Variants in COL4A2 observed in about 807,000 individuals in gnomAD.
COL4A2 encodes the protein collagen alpha-2(IV) chain.
COL4A2 carries 99 observed loss-of-function variants against 200.2 expected under a neutral mutation model. The ratio of observed to expected loss-of-function variants is 0.49; its 90% CI spans 0.42 to 0.58. The LOEUF (loss-of-function observed/expected upper bound fraction) is 0.58, where lower values mean the gene tolerates loss of function less well. Ranked by LOEUF, COL4A2 falls within the 20% of genes least tolerant of loss-of-function variation. The pLI, the probability that COL4A2 is intolerant of heterozygous loss-of-function variation, is 0.00. For missense variants in COL4A2, 1,950 were observed against 2,314.1 expected (o/e 0.84, Z 3.23); for synonymous variants, 897 against 900.6 (o/e 1.00, Z 0.07).
At chr13:110,435,312 T>C (rs79517152) in intron 12 of COL4A2, among the ~76,000 whole-genome samples, 6,006 of 151,888 alleles carry the variant, frequency 0.04, 170 homozygotes, top group East Asian at 0.14. Context: ...AACAAAATAA[T>C]AAAAACAAGA....
chr13:110,436,973 T>TGACCTG (rs2139465281), intron 13 of COL4A2, among the ~76,000 whole-genome samples: 1 of 152,340 alleles, frequency 6.6e-6, no homozygotes, highest in African/African-American at 2.4e-5. Flanking sequence ...ATGGCGACAC[T>TGACCTG]GACCTCCTGG....
chr13:110,399,071 T>G (rs1251661390), intron 4 of COL4A2, among the ~76,000 whole-genome samples: 1 of 152,166 alleles, frequency 6.6e-6, no homozygotes, highest in African/African-American at 2.4e-5. Context: ...CTGTGCCCAG[T>G]ATTCTGGTAA....
chr13:110,417,030 G>C (rs1281447347), intron 4 of COL4A2, among the ~76,000 whole-genome samples: 1 of 151,752 alleles, frequency 6.6e-6, no homozygotes, highest in South Asian at 2.1e-4. Context: ...TGCCAGGCTG[G>C]AGTGCAGTGG....
At chr13:110,435,215 C>T (rs918895219) in intron 12 of COL4A2, among the ~76,000 whole-genome samples, 3 of 152,020 alleles carry the variant, frequency 2.0e-5, no homozygotes, top group African/African-American at 7.3e-5. Context: ...GGACAATTAG[C>T]AAGCAGTGGG....
At position 110,508,084 on chromosome 13, in the gene COL4A2, G is replaced by T; in HGVS notation, c.4744G>T (p.Glu1582Ter). 1 of 1,614,248 alleles carries T rather than the reference G, an allele frequency of 6.2e-7. No individual in the cohort carries two copies. The highest frequency in any genetic ancestry group is 1.1e-5 in the South Asian group (1 of 91,086). Residue 1582 changes from glutamate (E) to a stop codon, truncating the protein, a stop_gained, in exon 47 of 48, where the codon GAG becomes TAG. Transcript: ENST00000360467. LOFTEE classifies it high-confidence loss of function. The surrounding 1 kb of genome is among the most constrained non-coding windows in gnomAD (Gnocchi z 6.1). Reference protein sequence around the residue: ...PLPMMPVAEDEIKPYISRCSV... With the variant: ...PLPMMPVAED Reference sequence around the variant, plus strand: ...GCCCATGATGCCCGTGGCCGAGGACGAGATCAAGCCCTACATCAGCCGCTG... The same window carrying T: ...GCCCATGATGCCCGTGGCCGAGGACTAGATCAAGCCCTACATCAGCCGCTG...
Position 110,452,853 on chromosome 13 carries a change from C to T in COL4A2, c.1339+2399C>T, listed in dbSNP as rs1388605907. ...TCTCTGCTCACTGCAACCTCCACCT[C>T]GTGGGATCAAGCGATCTTCCCACCT... On this transcript the variant is annotated intron_variant, in intron 20 of 47. Coordinates refer to ENST00000360467, the MANE Select transcript of COL4A2 (RefSeq NM_001846.4). 3.9e-5 allele frequency among the ~76,000 whole-genome samples: 6 copies of T among 152,150 alleles called. No homozygotes were observed. In the South Asian group the frequency reaches 8.3e-4, roughly 21 times the overall value.
chr13:110,430,960 A>G (rs185135115), intron 10 of COL4A2: 2 of 474,764 alleles, frequency 4.2e-6, no homozygotes, highest in African/African-American at 3.9e-5. Context: ...TAAGGAGGAA[A>G]TGGAGGTCTG....
intron 37 of COL4A2, among the ~76,000 whole-genome samples, chr13:110,491,731 C>G (rs1250079631): frequency 1.3e-5 from 2 of 152,172 alleles, no homozygotes; most frequent in African/African-American, 2.4e-5. Flanking sequence ...CTGCTGCTTT[C>G]TGTGTTTACT....
chr13:110,467,599 AAG>A (rs1279041996), intron 27 of COL4A2, among the ~76,000 whole-genome samples: 6 of 152,226 alleles, frequency 3.9e-5, no homozygotes, highest in Middle Eastern at 3.2e-3. Flanking sequence ...CCATGTGAGA[AAG>A]AGTCTGGGTG....
chr13:110,473,378 G>A, intron 29 of COL4A2: 1 of 511,598 alleles, frequency 2.0e-6, no homozygotes, highest in East Asian at 3.4e-5. Context: ...AACTTTGACA[G>A]GTGTGGATTC....
intron 4 of COL4A2, among the ~76,000 whole-genome samples, chr13:110,389,152 C>T (rs1435397713): frequency 6.6e-6 from 1 of 152,178 alleles, no homozygotes; most frequent in African/African-American, 2.4e-5. Flanking sequence ...TTCAAGGAGA[C>T]CTAGCCCAGC....
At chr13:110,337,533 A>G (rs886158047) in intron 3 of COL4A2, among the ~76,000 whole-genome samples, 1 of 152,192 alleles carries the variant, frequency 6.6e-6, no homozygotes, top group Non-Finnish European at 1.5e-5. Context: ...CAGAGGGCGG[A>G]TGTACTGGTG....
intron 3 of COL4A2, among the ~76,000 whole-genome samples, chr13:110,338,608 G>A (rs1876316505): frequency 6.6e-6 from 1 of 152,232 alleles, no homozygotes; most frequent in South Asian, 2.1e-4. Context: ...CCCAGGGATG[G>A]TTTATCTGGA....
rs1354879409 is a variant in COL4A2, at chr13:110,508,322, G to T, written c.4881+101G>T. On this transcript the variant is annotated intron_variant, in intron 47 of 47. Coordinates refer to ENST00000360467, the MANE Select transcript of COL4A2 (RefSeq NM_001846.4). This position sits in a 1 kb window ranked among gnomAD's most constrained non-coding sequence, Gnocchi z 6.1. ...GAAGAATCAGACACGGCAGTCCAGG[G>T]TGTGCACTGCACAAGGGTAGTTGGC... 1.3e-6 allele frequency: 2 copies of T among 1,542,294 alleles called. No individual in the cohort carries two copies. Among genetic ancestry groups the T allele is most frequent in the East Asian group, 2.3e-5 (1 of 44,234 alleles).
At chr13:110,331,251 A>G (rs11616769) in intron 3 of COL4A2, among the ~76,000 whole-genome samples, 7,615 of 152,336 alleles carry the variant, frequency 0.05, 247 homozygotes, top group Non-Finnish European at 0.068. Context: ...TTATTTGAGA[A>G]TCATCCTAAA....
At position 110,498,866 on chromosome 13, in the gene COL4A2, C is replaced by T. The variant is rs368298142; in HGVS notation, c.3761-2802C>T. On this transcript the variant is annotated intron_variant, in intron 40 of 47. Coordinates refer to ENST00000360467, the MANE Select transcript of COL4A2 (RefSeq NM_001846.4). Reference sequence around the variant, plus strand: ...CCTCCTTGCATTCCATCCCAGGGACCTGGACGGTGTCCCCGGCTTCCAAGC... The same window carrying T: ...CCTCCTTGCATTCCATCCCAGGGACTTGGACGGTGTCCCCGGCTTCCAAGC... Among the ~76,000 whole-genome samples the T allele has an allele frequency of 2.6e-5, 4 of 152,344 alleles. No individual in the cohort carries two copies. The East Asian group carries it at 7.7e-4, about 29-fold the overall frequency.
At chr13:110,450,550 C>G (rs1333378130) in intron 20 of COL4A2, 96 bp downstream of exon 20, 1 of 1,436,722 alleles carries the variant, frequency 7.0e-7, no homozygotes, top group Non-Finnish European at 9.5e-7. Flanking sequence ...CTAAATGACT[C>G]TGGGAACGAA....
chr13:110,440,920 G>A (rs1881096924), intron 16 of COL4A2, among the ~76,000 whole-genome samples: 1 of 152,224 alleles, frequency 6.6e-6, no homozygotes, highest in Non-Finnish European at 1.5e-5. Context: ...GCTCTGCCCA[G>A]TGCCCCTTAG....
At position 110,308,093 on chromosome 13, in the gene COL4A2, C is replaced by T. The variant is rs774171520; in HGVS notation, c.69C>T (p.Thr23=). ...LRRWLLLGTV[T]VGFLAQSVLA... The stretch of plus-strand genomic sequence containing the variant: ...GGTGGCTGCTGCTGGGGACAGTGAC[C>T]GTGGGGTTCCTCGCCCAGAGCGTCT... Residue 23 remains threonine (T), a synonymous_variant, in exon 3 of 48, where the codon ACC becomes ACT. Coordinates refer to ENST00000360467, the MANE Select transcript of COL4A2 (RefSeq NM_001846.4). The T allele has an allele frequency of 3.7e-6, 6 of 1,613,714 alleles. No individual in the cohort carries two copies. Among genetic ancestry groups the T allele is most frequent in the South Asian group, 2.2e-5 (2 of 91,080 alleles).
Sources: allele counts gnomAD v4.1 joint callset (sites outside exome capture counted in the v4.1 genomes callset), GRCh38; gene constraint gnomAD v4.1.1; non-coding constraint Gnocchi (gnomAD v3.1); transcripts MANE v1.5; gene names NCBI Gene and HGNC (gene_info 2026-07-23, HGNC 2026-07-21).